LYRM4: variants seen among roughly 807,000 people sequenced by gnomAD.
LYRM4 encodes the protein LYR motif-containing protein 4.
Under a neutral mutation model 11.7 loss-of-function variants are expected in LYRM4, and 9 were observed. That is an observed-to-expected ratio of 0.77 (90% CI 0.46 to 1.34). The LOEUF is 1.34. LYRM4 is among the 40% of genes most tolerant of loss of function. The probability of loss-of-function intolerance (pLI) is 0.00; values close to 1 mark genes in which losing one functional copy is unlikely to be tolerated. For missense variants in LYRM4, 133 were observed against 112.5 expected, an observed-to-expected ratio of 1.18 and a Z score of -0.82; for synonymous variants, 42 against 40.4, an observed-to-expected ratio of 1.04 and a Z score of -0.15.
intron 2 of LYRM4, among the ~76,000 whole-genome samples, chr6:5,122,768 C>A (rs1763517247): frequency 1.3e-5 from 2 of 152,212 alleles, no homozygotes; most frequent in South Asian, 4.1e-4. Context: ...GTGGTGAATA[C>A]CAACAGAGAC....
chr6:5,037,800 T>C, the LYRM4 span, among the ~76,000 whole-genome samples: 18 of 53,322 alleles, frequency 3.4e-4, no homozygotes, highest in East Asian at 4.5e-3. Context: ...ACGGGGCGGC[T>C]GGCCGGGCAG....
At chr6:5,086,198 G>A in the LYRM4 span, 1 of 1,534,402 alleles carries the variant, frequency 6.5e-7, no homozygotes, top group East Asian at 2.4e-5. Flanking sequence ...GGCTCCGGCC[G>A]GGTGCTCAGC....
At chr6:5,061,252 A>G in the LYRM4 span, among the ~76,000 whole-genome samples, 1 of 152,086 alleles carries the variant, frequency 6.6e-6, no homozygotes, top group East Asian at 1.9e-4. Context: ...TGTCTCTTTT[A>G]ACCCAAACCT....
chr6:5,093,234 C>T, the LYRM4 span, among the ~76,000 whole-genome samples: 3 of 152,228 alleles, frequency 2.0e-5, no homozygotes, highest in African/African-American at 7.2e-5. Flanking sequence ...GCAATGAGCC[C>T]TGGAAGACTG....
intron 1 of LYRM4, among the ~76,000 whole-genome samples, chr6:5,243,817 C>T (rs1764019098): frequency 6.6e-6 from 1 of 152,166 alleles, no homozygotes; most frequent in Non-Finnish European, 1.5e-5. Context: ...GTTGGTGAAA[C>T]AGATGGTGGC....
At chr6:5,205,433 A>G (rs978100556) in intron 2 of LYRM4, among the ~76,000 whole-genome samples, 11 of 151,060 alleles carry the variant, frequency 7.3e-5, no homozygotes, top group African/African-American at 2.5e-4. Context: ...AAATACGACT[A>G]TCGGGGGACA....
At chr6:5,222,741 C>A (rs1762652507) in intron 1 of LYRM4, among the ~76,000 whole-genome samples, 3 of 136,882 alleles carry the variant, frequency 2.2e-5, no homozygotes, top group Non-Finnish European at 3.1e-5. Context: ...TACATTTGCC[C>A]ACTTTTAAGA....
intron 1 of LYRM4, among the ~76,000 whole-genome samples, chr6:5,257,119 T>C (rs1363274760): frequency 6.6e-6 from 1 of 152,190 alleles, no homozygotes; most frequent in Non-Finnish European, 1.5e-5. Flanking sequence ...GAGTGATCTA[T>C]CAGAAAATGC....
intron 2 of LYRM4, among the ~76,000 whole-genome samples, chr6:5,135,524 G>A (rs1403939609): frequency 1.3e-5 from 2 of 149,634 alleles, no homozygotes; most frequent in Non-Finnish European, 3.0e-5. Context: ...ACTGTGGAGG[G>A]TGCGGATCGC....
intron 2 of LYRM4, among the ~76,000 whole-genome samples, chr6:5,117,677 T>C (rs991626919): frequency 1.3e-5 from 2 of 152,298 alleles, no homozygotes; most frequent in Non-Finnish European, 2.9e-5. Context: ...AGCATATTTA[T>C]GCCTATTTTT....
the LYRM4 span, chr6:5,042,491 A>G: frequency 6.6e-6 from 1 of 152,546 alleles, no homozygotes; most frequent in Non-Finnish European, 1.5e-5. Context: ...ACGGGTCACA[A>G]TTTACCTTTT....
chr6:5,193,319 A>C (rs939296649), intron 2 of LYRM4, among the ~76,000 whole-genome samples: 1 of 152,050 alleles, frequency 6.6e-6, no homozygotes, highest in African/African-American at 2.4e-5. Context: ...CAAAAAAAAA[A>C]CGCCTTAGCT....
intron 2 of LYRM4, among the ~76,000 whole-genome samples, chr6:5,135,738 ATG>A (rs1030722033): frequency 6.6e-6 from 1 of 152,178 alleles, no homozygotes; most frequent in Non-Finnish European, 1.5e-5. Context: ...ACTGATGTGT[ATG>A]TGTGTGTGTT....
At chr6:5,132,202 A>G (rs965997819) in intron 2 of LYRM4, among the ~76,000 whole-genome samples, 4 of 152,228 alleles carry the variant, frequency 2.6e-5, no homozygotes, top group African/African-American at 9.6e-5. Flanking sequence ...AGTGACATTT[A>G]CTGGGCATGT....
chr6:5,094,680 G>A, the LYRM4 span, among the ~76,000 whole-genome samples: 13 of 152,136 alleles, frequency 8.5e-5, no homozygotes, highest in African/African-American at 2.9e-4. Context: ...CTTGTGGCTT[G>A]AAAATGTCTG....
chr6:5,160,454 C>A (rs1758686420), intron 2 of LYRM4, among the ~76,000 whole-genome samples: 1 of 152,006 alleles, frequency 6.6e-6, no homozygotes, highest in Non-Finnish European at 1.5e-5. Context: ...GGGGGCGGGT[C>A]TTTTCCGTGC....
At chr6:5,174,476 A>C (rs1175354789) in intron 2 of LYRM4, among the ~76,000 whole-genome samples, 1 of 152,158 alleles carries the variant, frequency 6.6e-6, no homozygotes, top group Non-Finnish European at 1.5e-5. Flanking sequence ...TCTTCACAAA[A>C]GCTCGAGTTT....
chr6:5,045,663 G>A, the LYRM4 span, among the ~76,000 whole-genome samples: 7 of 151,684 alleles, frequency 4.6e-5, no homozygotes, highest in African/African-American at 9.8e-5. Context: ...TTAAGAAGAC[G>A]GCAGATTCCT....
the LYRM4 span, chr6:5,067,001 C>T: frequency 4.8e-3 from 3,816 of 792,886 alleles, 25 homozygotes; most frequent in Middle Eastern, 0.024. Context: ...CTCTCAGGCC[C>T]GCTCCAAGGA....
Sources: gnomAD v4.1 joint callset for allele counts (sites outside exome capture counted in the v4.1 genomes callset) on GRCh38, gnomAD v4.1.1 for gene constraint, MANE v1.5 for transcripts, NCBI Gene and HGNC (gene_info 2026-07-23, HGNC 2026-07-21) for gene names.